AMTN: variants seen among roughly 807,000 people sequenced by gnomAD.
AMTN encodes the protein RSTI689.
A neutral mutation model predicts 27.4 loss-of-function variants in AMTN; 29 were observed. The observed-to-expected ratio is 1.06, with a 90% CI of 0.79 to 1.44. The LOEUF is 1.44. AMTN is among the 40% of genes most tolerant of loss of function. AMTN has a pLI of 0.00. For synonymous variants in AMTN, 86 were observed against 95.7 expected (o/e 0.90, Z 0.59); for missense variants, 247 against 248.8 (o/e 0.99, Z 0.05).
At chr4:70,519,381 A>G (rs1735897649) in intron 2 of AMTN, among the ~76,000 whole-genome samples, 1 of 152,184 alleles carries the variant, frequency 6.6e-6, no homozygotes, top group African/African-American at 2.4e-5. Flanking sequence ...TAACTCCAAC[A>G]TTTACTCCAT....
Position 70,520,712 on chromosome 4 carries a change from A to C in AMTN, c.54+1881A>C, listed in dbSNP as rs369641311. ...AGTAGGTCACATGACAGGTTAGGAG[A>C]TAGTGAGCACTATGAAAAAAAGATC... On this transcript the variant is annotated intron_variant, in intron 2 of 8. Coordinates refer to ENST00000339336, the MANE Select transcript of AMTN (RefSeq NM_212557.4). Among the ~76,000 whole-genome samples, 77 of 152,254 alleles carry C rather than the reference A, an allele frequency of 5.1e-4. 2 individuals carry two copies. The South Asian group carries it at 0.016, about 31-fold the overall frequency.
Position 70,518,925 on chromosome 4 carries a change from C to G in AMTN, c.54+94C>G, listed in dbSNP as rs1472665086. The G allele has an allele frequency of 3.4e-5, 35 of 1,016,548 alleles. No homozygotes were observed. In the Admixed American group the frequency reaches 6.1e-4, roughly 18 times the overall value. The allele number at this position is 1,016,548 out of a possible 1,614,324, so 63.0% of individuals were successfully genotyped here. On this transcript the variant is annotated intron_variant, in intron 2 of 8. Coordinates refer to ENST00000339336, the MANE Select transcript of AMTN (RefSeq NM_212557.4). ...TCTCCTGCCCTCCATCAAAACTGCT[C>G]TGTTTTGTGACTCATTCCCTGAGAG...
At position 70,531,167 on chromosome 4, in the gene AMTN, T is replaced by C. The variant is rs1380508194; in HGVS notation, c.486T>C (p.Pro162=). The change falls in exon 8 of 9, where the codon CCT becomes CCC. Residue 162 remains proline (P), a synonymous_variant. Coordinates refer to ENST00000339336, the MANE Select transcript of AMTN (RefSeq NM_212557.4). ...SLPAGGAGVN[P]ATQGTPAGRL... is the part of the protein sequence containing the mutation. Reference sequence around the variant, plus strand: ...CAGCAGGAGGAGCAGGTGTAAATCCTGCCACCCAGGGAACCCCAGCAGGCC... The same window carrying C: ...CAGCAGGAGGAGCAGGTGTAAATCCCGCCACCCAGGGAACCCCAGCAGGCC... The C allele has an allele frequency of 1.2e-6, 2 of 1,613,934 alleles. No individual in the cohort carries two copies. The highest frequency in any genetic ancestry group is 4.5e-5 in the East Asian group (2 of 44,832).
At chr4:70,529,571 G>A (rs543365394) in intron 7 of AMTN, among the ~76,000 whole-genome samples, 105 of 152,266 alleles carry the variant, frequency 6.9e-4, no homozygotes, top group African/African-American at 2.5e-3. Flanking sequence ...TTACAGGAAA[G>A]ATTAAATTCC....
At chr4:70,530,253 G>A (rs137933389) in intron 7 of AMTN, among the ~76,000 whole-genome samples, 101 of 151,280 alleles carry the variant, frequency 6.7e-4, no homozygotes, top group African/African-American at 8.7e-4. Context: ...ACACATTCAC[G>A]AAACAGCATT....
chr4:70,522,970 A>C, intron 3 of AMTN, 132 bp downstream of exon 3: 1 of 754,788 alleles, frequency 1.3e-6, no homozygotes, highest in South Asian at 2.7e-5. Flanking sequence ...TACAAGACTG[A>C]ACAAGAGAGA....
intron 5 of AMTN, among the ~76,000 whole-genome samples, chr4:70,527,648 A>G (rs1411830301): frequency 6.6e-6 from 1 of 152,172 alleles, no homozygotes; most frequent in East Asian, 1.9e-4. Context: ...ATTTCATAAG[A>G]CTTTCAAATC....
In AMTN at chr4:70,531,090, C is replaced by A. The variant is rs1359178974; in HGVS notation, c.409C>A (p.Leu137Met). ...IIHSLFPGGI[L>M]PTSQAGANPD... ...CCATTCCTTGTTCCCGGGAGGCATC[C>A]TGCCCACCAGTCAGGCAGGGGCTAA... The change falls in exon 8 of 9, where the codon CTG (leucine) becomes ATG (methionine). Residue 137 changes from leucine (L) to methionine (M), a missense_variant. Transcript: ENST00000339336. The A allele has an allele frequency of 1.9e-6, 3 of 1,614,080 alleles. No individual in the cohort carries two copies. The highest frequency in any genetic ancestry group is 2.5e-6 in the Non-Finnish European group (3 of 1,180,006).
intron 4 of AMTN, among the ~76,000 whole-genome samples, chr4:70,524,571 C>T (rs931320866): frequency 2.6e-5 from 4 of 151,990 alleles, no homozygotes. Context: ...GCTCTTGTAG[C>T]CAAAAGGGGA....
chr4:70,527,201 T>TTAA (rs1410601721), intron 5 of AMTN, among the ~76,000 whole-genome samples: 6 of 152,240 alleles, frequency 3.9e-5, no homozygotes, highest in Non-Finnish European at 5.9e-5. Flanking sequence ...TGGAAAACAC[T>TTAA]TAAAACAATG....
chr4:70,528,843 G>T, intron 6 of AMTN, 85 bp downstream of exon 6: 2 of 1,204,606 alleles, frequency 1.7e-6, no homozygotes, highest in Non-Finnish European at 1.2e-6. Flanking sequence ...CTAGATAGTT[G>T]TGAGGTTTCC....
In AMTN at chr4:70,521,842, A is replaced by G. The variant is rs189030296; in HGVS notation, c.55-913A>G. Among the ~76,000 whole-genome samples the G allele has an allele frequency of 9.4e-4, 142 of 151,766 alleles. 1 individual carries two copies. The highest frequency in any genetic ancestry group is 3.2e-3 in the African/African-American group (131 of 41,424). On this transcript the variant is annotated intron_variant, in intron 2 of 8. Coordinates refer to ENST00000339336, the MANE Select transcript of AMTN (RefSeq NM_212557.4). ...ATCATGTTAGCCAGGCTGGTCCTGA[A>G]CTCCTGACCTCAAGTGGTCCGCCCG... is the stretch of plus-strand genomic sequence containing the variant.
At chr4:70,530,644 T>C (rs1736199870) in intron 7 of AMTN, among the ~76,000 whole-genome samples, 1 of 152,196 alleles carries the variant, frequency 6.6e-6, no homozygotes, top group Admixed American at 6.5e-5. Context: ...AGGATAAATG[T>C]TTCTAACTAA....
chr4:70,531,478 C>T lies in AMTN; in HGVS notation c.619+178C>T, dbSNP rs117808483. ...GGAATATTTTTACTCAGCCACCAAC[C>T]CCCAGGTATTAACACTGAAGGAAGA... is the stretch of plus-strand genomic sequence containing the variant. On this transcript the variant is annotated intron_variant, in intron 8 of 8. Coordinates refer to ENST00000339336, the MANE Select transcript of AMTN (RefSeq NM_212557.4). Among the ~76,000 whole-genome samples, 12 of 152,210 alleles carry T rather than the reference C, an allele frequency of 7.9e-5. No individual in the cohort carries two copies. In the East Asian group the frequency reaches 1.9e-3, roughly 24 times the overall value.
In AMTN at chr4:70,523,906, G is replaced by A; in HGVS notation, c.177G>A (p.Met59Ile). ...TAAGTCTGATACCATTAACACAGAT[G>A]CTCACACTGGGGCCAGATCTGCATC... ...PSLSLIPLTQ[M>I]LTLGPDLHLL... is the part of the protein sequence containing the mutation. The change falls in exon 4 of 9, where the codon ATG becomes ATA. Residue 59 changes from methionine to isoleucine, a missense_variant. Coordinates refer to ENST00000339336, the MANE Select transcript of AMTN (RefSeq NM_212557.4). 1 of 1,613,758 alleles carries A rather than the reference G, an allele frequency of 6.2e-7. No homozygotes were observed. The highest frequency in any genetic ancestry group is 8.5e-7 in the Non-Finnish European group (1 of 1,179,716).
At chr4:70,529,368 G>C (rs1359757582) in intron 7 of AMTN, among the ~76,000 whole-genome samples, 158 bp downstream of exon 7, 1 of 151,940 alleles carries the variant, frequency 6.6e-6, no homozygotes, top group Non-Finnish European at 1.5e-5. Context: ...TCCTTTCTTT[G>C]TTTGGGGATT....
intron 6 of AMTN, 38 bp downstream of exon 6, chr4:70,528,796 A>G (rs1167010524): frequency 6.5e-7 from 1 of 1,533,960 alleles, no homozygotes; most frequent in African/African-American, 1.4e-5. Flanking sequence ...ATTTTAAATC[A>G]CCTTGCTGTG....
intron 7 of AMTN, 96 bp downstream of exon 7, chr4:70,529,306 T>G: frequency 1.2e-6 from 1 of 860,892 alleles, no homozygotes; most frequent in Non-Finnish European, 1.7e-6. Context: ...ATCCTAAATA[T>G]GGTATGTACT....
At chr4:70,522,113 A>G (rs1296292446) in intron 2 of AMTN, among the ~76,000 whole-genome samples, 2 of 152,110 alleles carry the variant, frequency 1.3e-5, no homozygotes, top group East Asian at 3.9e-4. Flanking sequence ...GGAGACTAAG[A>G]GCACTTAGAG....
Sources: gnomAD v4.1 joint callset for allele counts (sites outside exome capture counted in the v4.1 genomes callset) on GRCh38, gnomAD v4.1.1 for gene constraint, MANE v1.5 for transcripts, NCBI Gene and HGNC (gene_info 2026-07-23, HGNC 2026-07-21) for gene names.